The following CHD9 variants were observed in gnomAD, a reference collection of about 807,000 sequenced individuals.
CHD9 encodes the protein ATP-dependent chromatin remodeler CHD9.
A neutral mutation model predicts 316.1 loss-of-function variants in CHD9; 77 were observed. The observed-to-expected ratio is 0.24, with a 90% CI of 0.20 to 0.29. CHD9 has a LOEUF of 0.29. Among genes scored for constraint, CHD9 ranks in the 10% least tolerant of loss-of-function variants. The probability of loss-of-function intolerance (pLI) is 1.00; values close to 1 mark genes in which losing one functional copy is unlikely to be tolerated. For missense variants in CHD9, 2,763 were observed against 3,438.1 expected (o/e 0.80, Z 4.91); for synonymous variants, 1,129 against 1,158.3 (o/e 0.97, Z 0.51).
chr16:53,214,467 C>T (rs1056739701), intron 3 of CHD9, among the ~76,000 whole-genome samples: 15 of 152,098 alleles, frequency 9.9e-5, no homozygotes, highest in African/African-American at 3.6e-4. Flanking sequence ...TGTCAAAATG[C>T]ATGGTTTAAA....
Position 53,286,439 on chromosome 16 carries a change from G to A in CHD9, c.5189+96G>A, listed in dbSNP as rs114645634. ...ACACTATTTATCTTTAAATGAGGTA[G>A]CAGTAAGGGAATTGGAGTTTACAAT... On this transcript the variant is annotated intron_variant, in intron 26 of 38. Transcript: ENST00000447540. 1,462 of 668,884 alleles carry A rather than the reference G, an allele frequency of 2.2e-3. 22 individuals are homozygous for A. The African/African-American group carries it at 0.024, about 11-fold the overall frequency. The allele number at this position is 668,884 out of a possible 1,614,324, so 41.4% of individuals were successfully genotyped here. A position where few individuals can be genotyped will look rare whatever the true frequency, so the allele number is the denominator to read the frequency against.
intron 1 of CHD9, among the ~76,000 whole-genome samples, chr16:53,055,374 G>T (rs2031935992): frequency 6.6e-6 from 1 of 152,174 alleles, no homozygotes; most frequent in South Asian, 2.1e-4. Context: ...GTCGCCCAGA[G>T]CCACTCCAGG....
At chr16:53,162,433 A>G (rs986414664) in intron 2 of CHD9, among the ~76,000 whole-genome samples, 10 of 152,132 alleles carry the variant, frequency 6.6e-5, no homozygotes, top group African/African-American at 2.4e-4. Context: ...CATAACAAAT[A>G]TTTTCTGCTG....
chr16:53,100,788 A>G (rs1440809952), intron 1 of CHD9, among the ~76,000 whole-genome samples: 1 of 152,100 alleles, frequency 6.6e-6, no homozygotes, highest in Non-Finnish European at 1.5e-5. Context: ...ACCTTCACAA[A>G]CACTTAGAAG....
At chr16:53,257,461 C>T (rs1292962050) in intron 19 of CHD9, among the ~76,000 whole-genome samples, 2 of 152,086 alleles carry the variant, frequency 1.3e-5, no homozygotes, top group Admixed American at 6.6e-5. Flanking sequence ...ATTTAAGGGA[C>T]TTGTGTATGA....
At chr16:53,256,908 C>A (rs1409043258) in intron 19 of CHD9, among the ~76,000 whole-genome samples, 3 of 152,004 alleles carry the variant, frequency 2.0e-5, no homozygotes, top group Non-Finnish European at 4.4e-5. Flanking sequence ...AAGTAAGATA[C>A]CAGCCTTCAA....
At chr16:53,126,062 CTAGTT>C (rs2038957359) in intron 1 of CHD9, among the ~76,000 whole-genome samples, 1 of 152,090 alleles carries the variant, frequency 6.6e-6, no homozygotes. Context: ...TTAATGAAGT[CTAGTT>C]TATATTTTCT....
intron 2 of CHD9, among the ~76,000 whole-genome samples, chr16:53,198,386 G>T (rs1567462479): frequency 6.7e-6 from 1 of 148,916 alleles, no homozygotes; most frequent in Non-Finnish European, 1.5e-5. Flanking sequence ...TGGCGTAGTG[G>T]TGCGATCTTG....
intron 20 of CHD9, among the ~76,000 whole-genome samples, chr16:53,266,991 A>G (rs2051759248): frequency 6.6e-6 from 1 of 152,166 alleles, no homozygotes; most frequent in African/African-American, 2.4e-5. Flanking sequence ...GGTAAAGAAA[A>G]ATTATAAGGC....
At position 53,325,998 on chromosome 16, in the gene CHD9, G is replaced by C. The variant is rs1567699016; in HGVS notation, c.*1103G>C. 3.3e-5 allele frequency: 5 copies of C among 152,460 alleles called. No individual in the cohort carries two copies. Among genetic ancestry groups the C allele is most frequent in the Non-Finnish European group, 7.4e-5 (5 of 67,928 alleles). The allele number at this position is 152,460 out of a possible 1,614,324, so 9.4% of individuals were successfully genotyped here. A position where few individuals can be genotyped will look rare whatever the true frequency, so the allele number is the denominator to read the frequency against. On this transcript the variant is annotated 3_prime_UTR_variant, in exon 39 of 39. Transcript: ENST00000447540. ...GCCCAGAATCAGTGTTGGGTTATCAGTTTATATTAAATATACTGAGTTGCC... is the reference window on the plus strand; with the variant it reads ...GCCCAGAATCAGTGTTGGGTTATCACTTTATATTAAATATACTGAGTTGCC...
chr16:53,145,699 T>TC (rs2040520020), intron 1 of CHD9, among the ~76,000 whole-genome samples: 1 of 151,518 alleles, frequency 6.6e-6, no homozygotes, highest in Non-Finnish European at 1.5e-5. Flanking sequence ...AGAGCAAAAC[T>TC]CCATCTCAAA....
chr16:53,237,729 T>A (rs2048750103), intron 11 of CHD9, among the ~76,000 whole-genome samples: 2 of 152,174 alleles, frequency 1.3e-5, no homozygotes, highest in South Asian at 4.1e-4. Flanking sequence ...TGATTCTTAA[T>A]TGGCCACATA....
At position 53,327,154 on chromosome 16, in the gene CHD9, G is replaced by A. The variant is rs186531692; in HGVS notation, c.*2259G>A. The A allele has an allele frequency of 1.4e-4, 22 of 152,490 alleles. No homozygotes were observed. The highest frequency in any genetic ancestry group is 3.9e-4 in the Admixed American group (6 of 15,258). The allele number at this position is 152,490 out of a possible 1,614,324, so 9.4% of individuals were successfully genotyped here. A position where few individuals can be genotyped will look rare whatever the true frequency, so the allele number is the denominator to read the frequency against. Reference sequence around the variant, plus strand: ...ACACATGCAAATATGGTTGTGTAAAGTTAAGGGTTATAAGGAAAAAAAAAT... The same window carrying A: ...ACACATGCAAATATGGTTGTGTAAAATTAAGGGTTATAAGGAAAAAAAAAT... On this transcript the variant is annotated 3_prime_UTR_variant, in exon 39 of 39. Coordinates refer to ENST00000447540, the MANE Select transcript of CHD9 (RefSeq NM_001308319.2).
chr16:53,205,653 T>G (rs1421721747), intron 2 of CHD9, among the ~76,000 whole-genome samples: 1 of 152,210 alleles, frequency 6.6e-6, no homozygotes, highest in African/African-American at 2.4e-5. Flanking sequence ...TTATTAAGGT[T>G]TATTAAACAG....
chr16:53,287,556 C>T (rs759249607), intron 26 of CHD9, among the ~76,000 whole-genome samples: 5 of 152,058 alleles, frequency 3.3e-5, no homozygotes, highest in African/African-American at 1.2e-4. Context: ...GGTGAAACCC[C>T]GTCTCTACTA....
Position 53,156,762 on chromosome 16 carries a change from T to G in CHD9, c.673T>G (p.Ser225Ala). Residue 225 changes from serine (S) to alanine (A), a missense_variant, in exon 2 of 39, where the codon TCT becomes GCT. Around this residue, in one of 15 missense-constraint regions of CHD9, gnomAD observed 859 missense variants for 890.4 expected, o/e 0.96. Coordinates refer to ENST00000447540, the MANE Select transcript of CHD9 (RefSeq NM_001308319.2). ...GACTAATGCATCTAATTCACAACAG[T>G]CTATTTCAATGCAGCAATTTTCTCA... is the stretch of plus-strand genomic sequence containing the variant. Reference protein sequence around the residue: ...QMTNASNSQQSISMQQFSQTS... With the variant: ...QMTNASNSQQAISMQQFSQTS... 1.2e-6 allele frequency: 2 copies of G among 1,613,800 alleles called. No individual in the cohort carries two copies. The highest frequency in any genetic ancestry group is 8.5e-7 in the Non-Finnish European group (1 of 1,179,782).
At chr16:53,285,726 T>G (rs1423262463) in intron 25 of CHD9, 27 bp downstream of exon 25, 2 of 1,300,026 alleles carry the variant, frequency 1.5e-6, no homozygotes, top group African/African-American at 1.5e-5. Flanking sequence ...GTAGGTGAGA[T>G]CCCCTTCTAT....
chr16:53,219,807 A>G (rs62049763), intron 3 of CHD9, among the ~76,000 whole-genome samples: 36,419 of 152,024 alleles, frequency 0.24, 4,666 homozygotes, highest in Middle Eastern at 0.32. Flanking sequence ...CTTCTTATAA[A>G]ATAATAGTAC....
At chr16:53,242,502 A>G (rs2049190542) in intron 12 of CHD9, among the ~76,000 whole-genome samples, 1 of 152,186 alleles carries the variant, frequency 6.6e-6, no homozygotes, top group Non-Finnish European at 1.5e-5. Flanking sequence ...AATAAGAACT[A>G]ATACTGAAAT....
Sources: gnomAD v4.1 joint callset for allele counts (sites outside exome capture counted in the v4.1 genomes callset) on GRCh38, gnomAD v4.1.1 for gene constraint, gnomAD v4.1.1 regional missense constraint, MANE v1.5 for transcripts, NCBI Gene and HGNC (gene_info 2026-07-23, HGNC 2026-07-21) for gene names.